The following RAB38 variants were observed in gnomAD, a reference collection of about 807,000 sequenced individuals.
RAB38 encodes the protein RAB38, member RAS oncogene family, also known as ras-related protein Rab-38.
RAB38 carries 15 observed loss-of-function variants against 18.4 expected under a neutral mutation model. The ratio of observed to expected loss-of-function variants is 0.82; its 90% confidence interval spans 0.55 to 1.26. The LOEUF (loss-of-function observed/expected upper bound fraction) is 1.26, where lower values mean the gene tolerates loss of function less well. Ranked by LOEUF, RAB38 falls within the 50% of genes most tolerant of loss-of-function variation. The probability of loss-of-function intolerance (pLI) is 0.00; values close to 1 mark genes in which losing one functional copy is unlikely to be tolerated. For synonymous variants in RAB38, 101 were observed against 104.4 expected, an observed-to-expected ratio of 0.97 and a Z score of 0.20; for missense variants, 294 against 267.4, an observed-to-expected ratio of 1.10 and a Z score of -0.69.
chr11:87,936,344 T>C, the RAB38 span, among the ~76,000 whole-genome samples: 1 of 152,134 alleles, frequency 6.6e-6, no homozygotes, highest in African/African-American at 2.4e-5. Flanking sequence ...GCTTTATTTT[T>C]ATTTATTTAT....
the RAB38 span, among the ~76,000 whole-genome samples, chr11:87,966,547 G>A: frequency 6.6e-6 from 1 of 152,100 alleles, no homozygotes; most frequent in African/African-American, 2.4e-5. Flanking sequence ...ATGCAAGAGA[G>A]GAGACAGTTT....
chr11:88,084,989 A>G, the RAB38 span, among the ~76,000 whole-genome samples: 111 of 152,032 alleles, frequency 7.3e-4, no homozygotes, highest in Non-Finnish European at 1.4e-3. Context: ...ATAGAAATAG[A>G]TGATGCCCAA....
chr11:88,004,422 G>C, the RAB38 span, among the ~76,000 whole-genome samples: 1 of 151,044 alleles, frequency 6.6e-6, no homozygotes, highest in Non-Finnish European at 1.5e-5. Context: ...TAGAAATTCA[G>C]TACCAATTCT....
intron 2 of RAB38, among the ~76,000 whole-genome samples, chr11:88,137,240 G>C (rs1279166268): frequency 1.3e-5 from 2 of 152,158 alleles, no homozygotes; most frequent in Non-Finnish European, 2.9e-5. Flanking sequence ...ATCTGCTTTT[G>C]ATTATCTTGC....
chr11:88,013,843 G>A, the RAB38 span, among the ~76,000 whole-genome samples: 1 of 152,156 alleles, frequency 6.6e-6, no homozygotes, highest in Non-Finnish European at 1.5e-5. Context: ...ATTGAAAGCA[G>A]ACATACTGAC....
chr11:88,160,898 G>A (rs1168509245), intron 1 of RAB38, among the ~76,000 whole-genome samples: 2 of 151,952 alleles, frequency 1.3e-5, no homozygotes, highest in Non-Finnish European at 2.9e-5. Context: ...CTGAGTAAGG[G>A]GATCATTTGT....
At chr11:87,844,814 G>T in the RAB38 span, among the ~76,000 whole-genome samples, 1 of 152,088 alleles carries the variant, frequency 6.6e-6, no homozygotes, top group South Asian at 2.1e-4. Context: ...AAATATGCAT[G>T]GGACAGACCC....
At chr11:88,006,315 G>A in the RAB38 span, among the ~76,000 whole-genome samples, 11 of 151,504 alleles carry the variant, frequency 7.3e-5, no homozygotes, top group Non-Finnish European at 7.4e-5. Context: ...ATCCTTACAC[G>A]CTGATGGTGA....
At chr11:87,914,466 T>A in the RAB38 span, among the ~76,000 whole-genome samples, 1 of 151,998 alleles carries the variant, frequency 6.6e-6, no homozygotes, top group Non-Finnish European at 1.5e-5. Flanking sequence ...CTCCAAGAAG[T>A]GGTATGGTTA....
chr11:88,133,378 A>G (rs1473707415), intron 2 of RAB38, among the ~76,000 whole-genome samples: 1 of 152,238 alleles, frequency 6.6e-6, no homozygotes, highest in Non-Finnish European at 1.5e-5. Context: ...AAATAACAAA[A>G]GCTGACTTTC....
At chr11:88,006,133 T>A in the RAB38 span, among the ~76,000 whole-genome samples, 2 of 150,884 alleles carry the variant, frequency 1.3e-5, no homozygotes, top group Non-Finnish European at 3.0e-5. Context: ...ATAGACATTT[T>A]TCCAGAGAAG....
At chr11:88,025,304 C>T in the RAB38 span, among the ~76,000 whole-genome samples, 1 of 151,834 alleles carries the variant, frequency 6.6e-6, no homozygotes, top group African/African-American at 2.4e-5. Context: ...AGCTTGATTA[C>T]ATGTCTTTGC....
At chr11:88,006,958 A>G in the RAB38 span, among the ~76,000 whole-genome samples, 1 of 151,692 alleles carries the variant, frequency 6.6e-6, no homozygotes, top group African/African-American at 2.4e-5. Flanking sequence ...GATGTATTGT[A>G]TATTTCAAAA....
At chr11:87,914,868 C>A in the RAB38 span, among the ~76,000 whole-genome samples, 1 of 152,170 alleles carries the variant, frequency 6.6e-6, no homozygotes, top group African/African-American at 2.4e-5. Flanking sequence ...CAGGCTTCCA[C>A]TTTGGAGCAG....
At chr11:87,889,759 T>A in the RAB38 span, among the ~76,000 whole-genome samples, 1 of 151,278 alleles carries the variant, frequency 6.6e-6, no homozygotes, top group Non-Finnish European at 1.5e-5. Flanking sequence ...TACATCACAC[T>A]TTCCTTATAC....
the RAB38 span, among the ~76,000 whole-genome samples, chr11:87,842,266 G>A: frequency 6.6e-6 from 1 of 152,118 alleles, no homozygotes; most frequent in Non-Finnish European, 1.5e-5. Flanking sequence ...ATTTCCCTAG[G>A]GAAGAGACAA....
chr11:87,971,856 A>G, the RAB38 span, among the ~76,000 whole-genome samples: 9 of 152,032 alleles, frequency 5.9e-5, no homozygotes, highest in African/African-American at 2.2e-4. Context: ...TGCTGAATGT[A>G]GTAGACAGAA....
the RAB38 span, among the ~76,000 whole-genome samples, chr11:88,009,868 A>G: frequency 1.7e-3 from 262 of 152,296 alleles, 1 homozygote; most frequent in African/African-American, 6.0e-3. Context: ...GCATAGAACC[A>G]TAAGTATCTT....
At chr11:87,887,641 TCATAA>T in the RAB38 span, among the ~76,000 whole-genome samples, 1 of 151,944 alleles carries the variant, frequency 6.6e-6, no homozygotes, top group Non-Finnish European at 1.5e-5. Flanking sequence ...AAGATATATG[TCATAA>T]CATAAAATTT....
Sources: gnomAD v4.1 joint callset for allele counts (sites outside exome capture counted in the v4.1 genomes callset) on GRCh38, gnomAD v4.1.1 for gene constraint, MANE v1.5 for transcripts, NCBI Gene and HGNC (gene_info 2026-07-23, HGNC 2026-07-21) for gene names.